The following GINS4 variants were observed in gnomAD, a reference collection of about 807,000 sequenced individuals.
GINS4 encodes DNA replication complex GINS protein SLD5.
Under a neutral mutation model 31.1 loss-of-function variants are expected in GINS4, and 20 were observed. The observed-to-expected ratio is 0.64, with a 90% CI of 0.45 to 0.93. GINS4 has a LOEUF of 0.93. Ranked by LOEUF, GINS4 falls within the 40% of genes least tolerant of loss-of-function variation. The pLI, the probability that GINS4 is intolerant of heterozygous loss-of-function variation, is 0.00. For synonymous variants in GINS4, 85 were observed against 97.9 expected, an observed-to-expected ratio of 0.87 and a Z score of 0.78; for missense variants, 245 against 273.9, an observed-to-expected ratio of 0.89 and a Z score of 0.75.
At chr8:41,534,795 C>T (rs1479043643) in intron 2 of GINS4, among the ~76,000 whole-genome samples, 2 of 151,542 alleles carry the variant, frequency 1.3e-5, no homozygotes, top group East Asian at 2.0e-4. Context: ...GGCAGTGGTG[C>T]AATCTTGGCT....
At chr8:41,537,039 G>T (rs538054430) in intron 3 of GINS4, 141 bp from the exon 4 acceptor site, 19 of 611,168 alleles carry the variant, frequency 3.1e-5, no homozygotes, top group Admixed American at 2.8e-4. Context: ...ACTATTGTTT[G>T]TACTTTATAC....
At chr8:41,539,856 G>T in intron 5 of GINS4, 60 bp from the exon 6 acceptor site, 1 of 1,586,190 alleles carries the variant, frequency 6.3e-7, no homozygotes, top group South Asian at 1.1e-5. Flanking sequence ...GCTGCTGCCT[G>T]CTAACCTTGG....
chr8:41,542,399 A>C lies in GINS4; in HGVS notation c.*312A>C. On this transcript the variant is annotated 3_prime_UTR_variant, in exon 8 of 8. Coordinates refer to ENST00000276533, the MANE Select transcript of GINS4 (RefSeq NM_032336.3). ...TTTGTCTCAAAAAAAAAAACAAAAA[A>C]CAAAAAAAAAACAAACTAGGCATAA... is the stretch of plus-strand genomic sequence containing the variant. The C allele has an allele frequency of 5.4e-6, 2 of 367,156 alleles. No homozygotes were observed. Among genetic ancestry groups the C allele is most frequent in the Non-Finnish European group, 1.0e-5 (2 of 196,886 alleles). The allele number at this position is 367,156 out of a possible 1,614,324, so 22.7% of individuals were successfully genotyped here.
chr8:41,531,619 G>A (rs1806648970), intron 2 of GINS4, among the ~76,000 whole-genome samples: 1 of 152,092 alleles, frequency 6.6e-6, no homozygotes. Context: ...AGACCTTTTT[G>A]AGAAACTGGT....
At chr8:41,537,061 G>A in intron 3 of GINS4, 119 bp from the exon 4 acceptor site, 2 of 639,746 alleles carry the variant, frequency 3.1e-6, no homozygotes, top group Middle Eastern at 2.6e-4. Flanking sequence ...ATGATAAAAT[G>A]AAAACTCACA....
At chr8:41,534,249 AT>A in intron 2 of GINS4, 1 of 427,924 alleles carries the variant, frequency 2.3e-6, no homozygotes, top group Non-Finnish European at 4.7e-6. Context: ...ATTAAAAAAA[AT>A]TTAAAAATTA....
intron 2 of GINS4, 112 bp downstream of exon 2, chr8:41,530,410 C>G (rs1409081410): frequency 1.4e-6 from 1 of 709,686 alleles, no homozygotes; most frequent in Admixed American, 2.6e-5. Context: ...TACTTTAGAA[C>G]AGGGACTGGA....
chr8:41,539,862 C>G, intron 5 of GINS4, 54 bp from the exon 6 acceptor site: 2 of 1,590,614 alleles, frequency 1.3e-6, no homozygotes, highest in South Asian at 2.2e-5. Flanking sequence ...GCCTGCTAAC[C>G]TTGGACGTCC....
At position 41,542,460 on chromosome 8, in the gene GINS4, A is replaced by G. The variant is rs978639307; in HGVS notation, c.*373A>G. 19 of 253,978 alleles carry G rather than the reference A, an allele frequency of 7.5e-5. No homozygotes were observed. The South Asian group carries it at 8.8e-4, about 12-fold the overall frequency. The allele number at this position is 253,978 out of a possible 1,614,324, so 15.7% of individuals were successfully genotyped here. ...TCAGGAGATCAAGACCATCCTGGCTACTAAACCCCATCTCTACTAAACCCA... is the reference window on the plus strand; with the variant it reads ...TCAGGAGATCAAGACCATCCTGGCTGCTAAACCCCATCTCTACTAAACCCA... On this transcript the variant is annotated 3_prime_UTR_variant, in exon 8 of 8. Transcript: ENST00000276533.
chr8:41,537,248 G>A lies in GINS4; in HGVS notation c.252G>A (p.Arg84=). The change falls in exon 4 of 8, where the codon AGG becomes AGA. Residue 84 remains arginine, a synonymous_variant. Coordinates refer to ENST00000276533, the MANE Select transcript of GINS4 (RefSeq NM_032336.3). ...KVSIHQMEME[R]IRYVLSSYLR... ...GCATCCACCAAATGGAGATGGAGAG[G>A]ATCCGCTACGTCCTCAGCAGCTACT... 2 of 1,614,056 alleles carry A rather than the reference G, an allele frequency of 1.2e-6. No individual in the cohort carries two copies. The highest frequency in any genetic ancestry group is 1.7e-6 in the Non-Finnish European group (2 of 1,179,930).
chr8:41,534,008 C>T (rs1046881030), intron 2 of GINS4: 6 of 158,526 alleles, frequency 3.8e-5, no homozygotes, highest in Non-Finnish European at 5.6e-5. Flanking sequence ...AGACCTCCAT[C>T]TCCAAATACA....
intron 7 of GINS4, 22 bp from the exon 8 acceptor site, chr8:41,541,969 A>C (rs750122115): frequency 1.7e-5 from 27 of 1,613,072 alleles, no homozygotes; most frequent in Non-Finnish European, 2.0e-5. Context: ...TCTGCAGGCA[A>C]ATGTGTTTCC....
intron 2 of GINS4, among the ~76,000 whole-genome samples, chr8:41,532,304 T>G (rs1183502451): frequency 1.3e-5 from 2 of 150,994 alleles, no homozygotes; most frequent in Non-Finnish European, 3.0e-5. Context: ...TGTTCAACCT[T>G]TTTAGTAATC....
chr8:41,535,916 T>G (rs770678362), intron 2 of GINS4, among the ~76,000 whole-genome samples: 88 of 152,332 alleles, frequency 5.8e-4, no homozygotes, highest in Non-Finnish European at 1.1e-3. Flanking sequence ...ATGATGATGA[T>G]GAATGAAAAA....
At chr8:41,530,436 G>T (rs1267612319) in intron 2 of GINS4, 138 bp downstream of exon 2, 2 of 623,840 alleles carry the variant, frequency 3.2e-6, no homozygotes, top group Non-Finnish European at 2.8e-6. Flanking sequence ...CCATCTACAT[G>T]GAAACGGGAA....
intron 2 of GINS4, among the ~76,000 whole-genome samples, chr8:41,536,037 C>T (rs1806735397): frequency 6.6e-6 from 1 of 152,078 alleles, no homozygotes; most frequent in African/African-American, 2.4e-5. Context: ...ACAGTGTGCC[C>T]GGGCTGCCTG....
intron 2 of GINS4, among the ~76,000 whole-genome samples, chr8:41,531,927 G>A (rs1806652939): frequency 6.6e-6 from 1 of 152,180 alleles, no homozygotes; most frequent in Non-Finnish European, 1.5e-5. Context: ...GAGTAGCTGG[G>A]CCTACAGGTG....
intron 4 of GINS4, 117 bp from the exon 5 acceptor site, chr8:41,539,561 A>T: frequency 2.7e-6 from 2 of 745,106 alleles, no homozygotes; most frequent in Non-Finnish European, 2.4e-6. Context: ...ACCCTATCCC[A>T]CCTCCAGGCC....
At chr8:41,532,832 C>CGAA (rs1806671266) in intron 2 of GINS4, among the ~76,000 whole-genome samples, 1 of 67,790 alleles carries the variant, frequency 1.5e-5, no homozygotes, top group Non-Finnish European at 2.9e-5. Context: ...GACTCCATCT[C>CGAA]AAAAAAAAAA....
Sources: allele counts gnomAD v4.1 joint callset (sites outside exome capture counted in the v4.1 genomes callset), GRCh38; gene constraint gnomAD v4.1.1; transcripts MANE v1.5; gene names NCBI Gene and HGNC (gene_info 2026-07-23, HGNC 2026-07-21).